DGKI: variants seen among roughly 807,000 people sequenced by gnomAD.
The protein encoded by DGKI is DAG kinase iota.
Under a neutral mutation model 147.5 loss-of-function variants are expected in DGKI, and 55 were observed. The observed-to-expected ratio is 0.37, with a 90% CI of 0.30 to 0.47. The LOEUF is 0.47. Among genes scored for constraint, DGKI ranks in the 20% least tolerant of loss-of-function variants. The probability of loss-of-function intolerance (pLI) is 1.00; values close to 1 mark genes in which losing one functional copy is unlikely to be tolerated. For synonymous variants in DGKI, 469 were observed against 477.1 expected (o/e 0.98, Z 0.22); for missense variants, 1,007 against 1,323.8 (o/e 0.76, Z 3.71).
intron 28 of DGKI, among the ~76,000 whole-genome samples, chr7:137,419,561 A>T (rs925767475): frequency 2.6e-5 from 4 of 152,234 alleles, no homozygotes; most frequent in African/African-American, 9.6e-5. Context: ...AATTTAGTAT[A>T]ATCATCAAAC....
At chr7:137,498,359 C>T (rs1183913258) in intron 21 of DGKI, among the ~76,000 whole-genome samples, 2 of 151,546 alleles carry the variant, frequency 1.3e-5, no homozygotes, top group African/African-American at 2.4e-5. Flanking sequence ...TCTCAAAAAA[C>T]AAAAGAAAAT....
rs149940589 is a variant in DGKI, at chr7:137,604,030, C to T, written c.1168-4125G>A. The stretch of plus-strand genomic sequence containing the variant: ...TTTTATGCATCGCTCTGGCTACAGA[C>T]TAAGGAACCAGACCTATCACAGGAG... On this transcript the variant is annotated intron_variant, in intron 10 of 32. Coordinates refer to ENST00000614521, the MANE Select transcript of DGKI (RefSeq NM_001321708.2). 1.7e-4 allele frequency among the ~76,000 whole-genome samples: 26 copies of T among 152,276 alleles called. No individual in the cohort carries two copies. The East Asian group carries it at 1.9e-3, about 11-fold the overall frequency.
chr7:137,770,582 G>A (rs1796161956), intron 1 of DGKI, among the ~76,000 whole-genome samples: 1 of 45,158 alleles, frequency 2.2e-5, no homozygotes. Flanking sequence ...CGCCCAGGCT[G>A]GAGTGCAGTG....
At chr7:137,575,298 T>C (rs1818933636) in intron 17 of DGKI, among the ~76,000 whole-genome samples, 1 of 152,200 alleles carries the variant, frequency 6.6e-6, no homozygotes, top group Non-Finnish European at 1.5e-5. Flanking sequence ...TGATATCACA[T>C]CTTTCCTAGT....
intron 20 of DGKI, among the ~76,000 whole-genome samples, chr7:137,540,364 A>G (rs1332857890): frequency 6.6e-6 from 1 of 152,236 alleles, no homozygotes; most frequent in Non-Finnish European, 1.5e-5. Context: ...TGCAAAAGAA[A>G]GAAAAGGCAT....
chr7:137,683,820 C>T (rs1185333707), intron 2 of DGKI, among the ~76,000 whole-genome samples: 3 of 145,288 alleles, frequency 2.1e-5, no homozygotes, highest in Non-Finnish European at 4.6e-5. Context: ...AGATTTACAT[C>T]GATAGATCTA....
At chr7:137,526,306 G>T (rs187784646) in intron 20 of DGKI, among the ~76,000 whole-genome samples, 2 of 151,886 alleles carry the variant, frequency 1.3e-5, no homozygotes, top group Admixed American at 1.3e-4. Flanking sequence ...TTCTAAACCC[G>T]GCTTCCATGG....
intron 2 of DGKI, among the ~76,000 whole-genome samples, chr7:137,679,853 G>A (rs1823170381): frequency 6.6e-6 from 1 of 151,822 alleles, no homozygotes; most frequent in African/African-American, 2.4e-5. Flanking sequence ...AGCTGGGTGT[G>A]GTGGTGGGCG....
At position 137,390,889 on chromosome 7, in the gene DGKI, T is replaced by C; in HGVS notation, c.*331A>G. The stretch of plus-strand genomic sequence containing the variant: ...ATAGGGGGAGGATGGAGCAGTGCCA[T>C]TTATACGAACATCCTTTGAATCTTT... On this transcript the variant is annotated 3_prime_UTR_variant, in exon 33 of 33. Transcript: ENST00000614521. 3 of 297,026 alleles carry C rather than the reference T, an allele frequency of 1.0e-5. No homozygotes were observed. The highest frequency in any genetic ancestry group is 1.9e-5 in the Non-Finnish European group (3 of 156,748). The allele number at this position is 297,026 out of a possible 1,614,324, so 18.4% of individuals were successfully genotyped here. A position where few individuals can be genotyped will look rare whatever the true frequency, so the allele number is the denominator to read the frequency against.
intron 21 of DGKI, among the ~76,000 whole-genome samples, chr7:137,506,634 T>C (rs1392798366): frequency 6.6e-6 from 1 of 152,100 alleles, no homozygotes; most frequent in Non-Finnish European, 1.5e-5. Context: ...GGCTCATCAA[T>C]AGTAACAAAT....
chr7:137,623,764 G>A (rs1820835243), intron 6 of DGKI, among the ~76,000 whole-genome samples: 1 of 152,074 alleles, frequency 6.6e-6, no homozygotes, highest in Admixed American at 6.5e-5. Flanking sequence ...CATTTCAAGT[G>A]AGAGAGAGAG....
chr7:137,413,791 A>T (rs962031960), intron 28 of DGKI, among the ~76,000 whole-genome samples: 5 of 152,144 alleles, frequency 3.3e-5, no homozygotes, highest in African/African-American at 4.8e-5. Flanking sequence ...TCCTTTATGT[A>T]TATGCCCAGT....
chr7:137,757,870 T>C (rs1193228813), intron 1 of DGKI, among the ~76,000 whole-genome samples: 1 of 152,208 alleles, frequency 6.6e-6, no homozygotes, highest in Non-Finnish European at 1.5e-5. Flanking sequence ...AGTAGATATT[T>C]CTCTAAAAAG....
chr7:137,464,122 T>C (rs983049983), intron 26 of DGKI, among the ~76,000 whole-genome samples: 3 of 151,740 alleles, frequency 2.0e-5, no homozygotes, highest in Non-Finnish European at 2.9e-5. Context: ...CCAGGCGTGG[T>C]GGCAGGCGCC....
At chr7:137,727,963 T>C (rs901408694) in intron 1 of DGKI, among the ~76,000 whole-genome samples, 6 of 152,090 alleles carry the variant, frequency 3.9e-5, no homozygotes, top group African/African-American at 1.2e-4. Context: ...ATCACAAGAC[T>C]ACCTATAATT....
chr7:137,436,169 T>A (rs1433284719), intron 28 of DGKI, among the ~76,000 whole-genome samples: 1 of 152,190 alleles, frequency 6.6e-6, no homozygotes, highest in Non-Finnish European at 1.5e-5. Flanking sequence ...AATAGCTACC[T>A]TTTGAGAACT....
At chr7:137,582,644 C>T (rs1563096943) in intron 14 of DGKI, among the ~76,000 whole-genome samples, 1 of 152,014 alleles carries the variant, frequency 6.6e-6, no homozygotes, top group Admixed American at 6.6e-5. Context: ...CACACAGATA[C>T]ACATGGAAGC....
intron 1 of DGKI, among the ~76,000 whole-genome samples, chr7:137,842,816 G>A (rs763434431): frequency 2.6e-5 from 4 of 151,532 alleles, no homozygotes; most frequent in Non-Finnish European, 4.4e-5. Flanking sequence ...ATAGACAAAG[G>A]GCCACAAGCC....
chr7:137,614,316 T>C (rs1820461146), intron 8 of DGKI, among the ~76,000 whole-genome samples: 1 of 152,160 alleles, frequency 6.6e-6, no homozygotes, highest in South Asian at 2.1e-4. Context: ...TGTCATCTCA[T>C]GATACATAAG....
Sources: gnomAD v4.1 joint callset for allele counts (sites outside exome capture counted in the v4.1 genomes callset) on GRCh38, gnomAD v4.1.1 for gene constraint, MANE v1.5 for transcripts, NCBI Gene and HGNC (gene_info 2026-07-23, HGNC 2026-07-21) for gene names.